The following WRAP53 variants were observed in gnomAD, a reference collection of about 807,000 sequenced individuals.
WRAP53 encodes WD repeat containing antisense to TP53, also known as telomerase Cajal body protein 1.
Under a neutral mutation model 56.6 loss-of-function variants are expected in WRAP53, and 28 were observed. That is an observed-to-expected ratio of 0.50 (90% CI 0.37 to 0.68). The LOEUF (loss-of-function observed/expected upper bound fraction) is 0.68, where lower values mean the gene tolerates loss of function less well. Among genes scored for constraint, WRAP53 ranks in the 30% least tolerant of loss-of-function variants. The probability of loss-of-function intolerance (pLI) is 0.00; values close to 1 mark genes in which losing one functional copy is unlikely to be tolerated. For missense variants in WRAP53, 671 were observed against 715.5 expected, an observed-to-expected ratio of 0.94 and a Z score of 0.71; for synonymous variants, 283 against 283.4, an observed-to-expected ratio of 1.00 and a Z score of 0.01.
At chr17:7,700,321 T>A (rs2074257328) in intron 4 of WRAP53, among the ~76,000 whole-genome samples, 1 of 152,010 alleles carries the variant, frequency 6.6e-6, no homozygotes, top group Admixed American at 6.6e-5. Context: ...GGTATTATTA[T>A]TTGTTTCTTC....
rs753969788 is a variant in WRAP53, at chr17:7,688,793, G to A, written c.145G>A (p.Asp49Asn). 1.9e-6 allele frequency: 3 copies of A among 1,614,198 alleles called. No homozygotes were observed. In the South Asian group the frequency reaches 3.3e-5, roughly 18 times the overall value. ...ELMPPPPERG[D>N]PPRLSPDPVA... ...GATGCCACCGCCTCCCGAAAGGGGG[G>A]ATCCGCCCCGGTTGTCCCCAGATCC... Residue 49 changes from aspartate to asparagine, a missense_variant, in exon 2 of 11, where the codon GAT (aspartate) becomes AAT (asparagine). Transcript: ENST00000396463.
At position 7,688,609 on chromosome 17, in the gene WRAP53, T is replaced by A. The variant is rs761454111; in HGVS notation, c.-1-39T>A. On this transcript the variant is annotated intron_variant, in intron 1 of 10. Coordinates refer to ENST00000396463, the MANE Select transcript of WRAP53 (RefSeq NM_001143992.2). ...CGGATCCCTGAGAACTTCGAAGCCA[T>A]CCTGGCTGAGGCTAATCTCCGCTGT... 3 of 1,611,556 alleles carry A rather than the reference T, an allele frequency of 1.9e-6. No individual in the cohort carries two copies. In the South Asian group the frequency reaches 3.3e-5, roughly 18 times the overall value.
At chr17:7,689,495 AG>A in intron 3 of WRAP53, 94 bp from the exon 4 acceptor site, 2 of 1,345,668 alleles carry the variant, frequency 1.5e-6, no homozygotes, top group Non-Finnish European at 2.1e-6. Context: ...TCAAGGATTC[AG>A]GGGGGCTTAC....
Position 7,701,928 on chromosome 17 carries a change from G to A in WRAP53, c.955+139G>A. On this transcript the variant is annotated intron_variant, in intron 7 of 10. Coordinates refer to ENST00000396463, the MANE Select transcript of WRAP53 (RefSeq NM_001143992.2). This position sits in a 1 kb window ranked among gnomAD's most constrained non-coding sequence, Gnocchi z 4.2. ...CCCGGGAGCAGGTGCAGCCCAGTCG[G>A]CAGAGGAGCAAACAGGCTCAGAGCA... The A allele has an allele frequency of 2.8e-6, 4 of 1,408,612 alleles. No individual in the cohort carries two copies. Among genetic ancestry groups the A allele is most frequent in the Non-Finnish European group, 3.9e-6 (4 of 1,029,992 alleles). The allele number at this position is 1,408,612 out of a possible 1,614,324, so 87.3% of individuals were successfully genotyped here.
rs770582241 is a variant in WRAP53 at position 7,702,298 on chromosome 17, C to A, written c.956-46C>A. ...AGACCTCTGCTTAGCCTGGTTAGTG[C>A]CAGGAGCCATTGCCCCCTCCCCCAC... is the stretch of plus-strand genomic sequence containing the variant. On this transcript the variant is annotated intron_variant, in intron 7 of 10. Transcript: ENST00000396463. This position sits in a 1 kb window ranked among gnomAD's most constrained non-coding sequence, Gnocchi z 5.0. 1.4e-5 allele frequency: 23 copies of A among 1,600,984 alleles called. 1 individual carries two copies. Among genetic ancestry groups the A allele is most frequent in the Non-Finnish European group, 1.8e-5 (21 of 1,168,228 alleles).
At chr17:7,698,777 TGAGGCAGAGAATTGCTTGAGTCTGG>T (rs1398971282) in intron 4 of WRAP53, among the ~76,000 whole-genome samples, 1 of 152,076 alleles carries the variant, frequency 6.6e-6, no homozygotes, top group Non-Finnish European at 1.5e-5. Flanking sequence ...CTCAGGAGGC[TGAGGCAGAGAATTGCTTGAGTCTGG>T]GAGGCAGAGG....
intron 4 of WRAP53, among the ~76,000 whole-genome samples, chr17:7,698,786 G>T (rs1328659379): frequency 1.3e-5 from 2 of 151,972 alleles, no homozygotes; most frequent in East Asian, 1.9e-4. Flanking sequence ...CTGAGGCAGA[G>T]AATTGCTTGA....
rs1356636332 is a variant in WRAP53 at position 7,701,468 on chromosome 17, C to T, written c.741C>T (p.Ser247=). The change falls in exon 6 of 11, where the codon AGC becomes AGT. Residue 247 remains serine, a synonymous_variant. Coordinates refer to ENST00000396463, the MANE Select transcript of WRAP53 (RefSeq NM_001143992.2). The surrounding 1 kb of genome is among the most constrained non-coding windows in gnomAD (Gnocchi z 4.2). Reference sequence around the variant, plus strand: ...TCCATGTCTCTCTCAGCGTGGCCAGCAGCAGCCGGGAGAACCCGATTCATA... The same window carrying T: ...TCCATGTCTCTCTCAGCGTGGCCAGTAGCAGCCGGGAGAACCCGATTCATA... The part of the protein sequence containing the change: ...SAQPDTSYVA[S]SSRENPIHIW... 2 of 1,614,232 alleles carry T rather than the reference C, an allele frequency of 1.2e-6. No homozygotes were observed. The highest frequency in any genetic ancestry group is 1.1e-5 in the South Asian group (1 of 91,088).
chr17:7,697,870 C>CCT (rs1555530276), intron 4 of WRAP53, among the ~76,000 whole-genome samples: 1 of 143,824 alleles, frequency 7.0e-6, no homozygotes, highest in African/African-American at 2.6e-5. Context: ...ACAATAGACA[C>CCT]TTTTTTTTTT....
intron 4 of WRAP53, among the ~76,000 whole-genome samples, chr17:7,696,382 T>C (rs1375236789): frequency 7.3e-6 from 1 of 137,680 alleles, no homozygotes; most frequent in Non-Finnish European, 1.5e-5. Flanking sequence ...CACTGCAAGC[T>C]CCGCCTCCCA....
chr17:7,688,264 A>G (rs2074044794), upstream of WRAP53: 1 of 246,436 alleles, frequency 4.1e-6, no homozygotes, highest in Non-Finnish European at 8.0e-6. Flanking sequence ...CTTCTCGCCA[A>G]GATAGAAGCG....
At chr17:7,686,543 G>A (rs1470022688), upstream of WRAP53, 1 of 152,262 alleles carries the variant, frequency 6.6e-6, no homozygotes, top group Non-Finnish European at 1.5e-5. Flanking sequence ...AGAAATGCAG[G>A]CGGAGAATAG....
rs1482781863 is a variant in WRAP53 at position 7,702,017 on chromosome 17, C to A, written c.955+228C>A. ...GACTGCTTCCTTCCTGAACTCATAC[C>A]CTGTCAGCTGTGGAGCTTTTGGTCT... On this transcript the variant is annotated intron_variant, in intron 7 of 10. Transcript: ENST00000396463. The surrounding 1 kb of genome is among the most constrained non-coding windows in gnomAD (Gnocchi z 5.0). 4 of 766,210 alleles carry A rather than the reference C, an allele frequency of 5.2e-6. No individual in the cohort carries two copies. The highest frequency in any genetic ancestry group is 3.4e-5 in the African/African-American group (2 of 58,400). 47.5% of individuals were successfully genotyped at this position (766,210 alleles called of 1,614,324 possible).
intron 3 of WRAP53, 125 bp downstream of exon 3, chr17:7,689,447 C>G: frequency 7.9e-7 from 1 of 1,272,166 alleles, no homozygotes; most frequent in East Asian, 2.3e-5. Flanking sequence ...TTAGACTGAG[C>G]TTACATTTTA....
Position 7,703,082 on chromosome 17 carries a change from C to T in WRAP53, c.1358C>T (p.Pro453Leu). The T allele has an allele frequency of 1.9e-6, 3 of 1,614,102 alleles. No individual in the cohort carries two copies. The highest frequency in any genetic ancestry group is 1.7e-6 in the Non-Finnish European group (2 of 1,180,026). ...DGPGNDGKPE[P>L]VLSFLPQKDC... ...CCTGGCAATGATGGGAAGCCGGAGC[C>T]CGTGTTGAGTTTTCTGCCCCAGAAG... is the stretch of plus-strand genomic sequence containing the variant. Residue 453 changes from proline (P) to leucine (L), a missense_variant, in exon 10 of 11, where the codon CCC (proline) becomes CTC (leucine). Pro to Leu is a moderately conservative substitution (Grantham distance 98). Transcript: ENST00000396463.
At chr17:7,690,261 T>C (rs111330992) in intron 4 of WRAP53, among the ~76,000 whole-genome samples, 48 of 152,324 alleles carry the variant, frequency 3.2e-4, no homozygotes, top group African/African-American at 1.1e-3. Context: ...TAGCTATTTA[T>C]TGATTGACTA....
chr17:7,693,033 G>A (rs1416258834), intron 4 of WRAP53, among the ~76,000 whole-genome samples: 4 of 151,356 alleles, frequency 2.6e-5, no homozygotes, highest in Non-Finnish European at 5.9e-5. Flanking sequence ...GAGCCACCGC[G>A]CCCAGCCCCT....
chr17:7,689,249 C>T lies in WRAP53; in HGVS notation c.457C>T (p.Leu153=), dbSNP rs571153185. The T allele has an allele frequency of 1.2e-5, 19 of 1,614,098 alleles. No individual in the cohort carries two copies. In the African/African-American group the frequency reaches 2.4e-4, roughly 20 times the overall value. The part of the protein sequence containing the change: ...DTAWNYSFSQ[L]PRFLSGSWSE... ...CGCTTGGAACTACAGCTTCTCCCAG[C>T]TGCCTCGATTTCTCAGTGGTTCCTG... is the stretch of plus-strand genomic sequence containing the variant. Residue 153 remains leucine, a synonymous_variant, in exon 3 of 11, where the codon CTG becomes TTG. Coordinates refer to ENST00000396463, the MANE Select transcript of WRAP53 (RefSeq NM_001143992.2).
At chr17:7,688,617 G>T in intron 1 of WRAP53, 31 bp from the exon 2 acceptor site, 1 of 1,613,228 alleles carries the variant, frequency 6.2e-7, no homozygotes. Context: ...CATCCTGGCT[G>T]AGGCTAATCT....
Sources: allele counts gnomAD v4.1 joint callset (sites outside exome capture counted in the v4.1 genomes callset), GRCh38; gene constraint gnomAD v4.1.1; non-coding constraint Gnocchi (gnomAD v3.1); transcripts MANE v1.5; gene names NCBI Gene and HGNC (gene_info 2026-07-23, HGNC 2026-07-21).